NUP93: variants seen among roughly 807,000 people sequenced by gnomAD.
NUP93 encodes the protein nuclear pore complex protein Nup93.
In NUP93, 55 loss-of-function variants were observed where a neutral mutation model predicts 107.8. The ratio of observed to expected loss-of-function variants is 0.51; its 90% CI spans 0.41 to 0.64. The LOEUF (loss-of-function observed/expected upper bound fraction) is 0.64. Among genes scored for constraint, NUP93 ranks in the 30% least tolerant of loss-of-function variants. The pLI is 0.00. For missense variants in NUP93, 937 were observed against 1,044.7 expected (o/e 0.90, Z 1.42); for synonymous variants, 390 against 397.5 (o/e 0.98, Z 0.22).
chr16:56,842,813 A>T (rs1255973169), intron 21 of NUP93: 2 of 330,472 alleles, frequency 6.1e-6, no homozygotes, highest in Non-Finnish European at 1.2e-5. Flanking sequence ...TCGGCCTCCC[A>T]AAGTGCTAGG....
chr16:56,751,659 AGAT>A (rs1396222148), intron 2 of NUP93, among the ~76,000 whole-genome samples: 2 of 152,210 alleles, frequency 1.3e-5, no homozygotes, highest in Non-Finnish European at 2.9e-5. Flanking sequence ...AGGCTTAGAA[AGAT>A]TATGTATCCA....
At chr16:56,788,208 C>G (rs1192980418) in intron 3 of NUP93, among the ~76,000 whole-genome samples, 1 of 152,158 alleles carries the variant, frequency 6.6e-6, no homozygotes, top group Non-Finnish European at 1.5e-5. Flanking sequence ...CTTCCCCTAC[C>G]CTCCCAGGAG....
intron 8 of NUP93, among the ~76,000 whole-genome samples, chr16:56,827,208 A>G (rs1209209365): frequency 6.6e-6 from 1 of 152,314 alleles, no homozygotes; most frequent in East Asian, 1.9e-4. Flanking sequence ...TTAGAAAGTT[A>G]TTACATTAAC....
chr16:56,826,841 A>T (rs1963672265), intron 8 of NUP93, among the ~76,000 whole-genome samples: 1 of 151,418 alleles, frequency 6.6e-6, no homozygotes, highest in African/African-American at 2.4e-5. Context: ...AGGTCAAGAG[A>T]TTGAGACCAT....
At chr16:56,739,534 C>A (rs1246620470) in intron 1 of NUP93, among the ~76,000 whole-genome samples, 2 of 111,196 alleles carry the variant, frequency 1.8e-5, no homozygotes, top group African/African-American at 3.5e-5. Context: ...CTGACCCCCC[C>A]CCACCTCCCT....
At chr16:56,785,111 T>C (rs1427524820) in intron 3 of NUP93, among the ~76,000 whole-genome samples, 1 of 152,228 alleles carries the variant, frequency 6.6e-6, no homozygotes, top group African/African-American at 2.4e-5. Flanking sequence ...CCCTTGGTTT[T>C]TATGAGGCTT....
rs1964122006 is a variant in NUP93, at chr16:56,846,738, C to T, written c.*2129C>T. On this transcript the variant is annotated 3_prime_UTR_variant, in exon 22 of 22. Coordinates refer to ENST00000308159, the MANE Select transcript of NUP93 (RefSeq NM_014669.5). ...AATAAAAATAAGAGTACTCTGTGGA[C>T]TTTTCATAAAGTGCAACTTAGTGCT... The T allele has an allele frequency of 1.3e-5, 2 of 152,138 alleles. No individual in the cohort carries two copies. Among genetic ancestry groups the T allele is most frequent in the African/African-American group, 4.8e-5 (2 of 41,432 alleles). The allele number at this position is 152,138 out of a possible 1,614,324, so 9.4% of individuals were successfully genotyped here. A position where few individuals can be genotyped will look rare whatever the true frequency, so the allele number is the denominator to read the frequency against.
intron 8 of NUP93, among the ~76,000 whole-genome samples, chr16:56,826,822 C>T (rs1396131959): frequency 2.6e-5 from 4 of 151,480 alleles, no homozygotes; most frequent in African/African-American, 7.3e-5. Flanking sequence ...CCGAGGCGGG[C>T]AGATCACGAG....
intron 1 of NUP93, among the ~76,000 whole-genome samples, chr16:56,741,102 G>A (rs1961732794): frequency 6.6e-6 from 1 of 152,122 alleles, no homozygotes; most frequent in African/African-American, 2.4e-5. Flanking sequence ...AGCATATTTG[G>A]TAGTGGGCAA....
chr16:56,756,978 C>T (rs1241801294), intron 2 of NUP93, among the ~76,000 whole-genome samples: 3 of 151,970 alleles, frequency 2.0e-5, no homozygotes, highest in African/African-American at 7.3e-5. Context: ...AGAGAGTTAA[C>T]TTTTTAGGAT....
intron 5 of NUP93, among the ~76,000 whole-genome samples, chr16:56,815,911 C>CTGCTGG (rs1245613309): frequency 2.7e-5 from 4 of 150,416 alleles, no homozygotes; most frequent in African/African-American, 7.4e-5. Flanking sequence ...GCTGCTGCTG[C>CTGCTGG]TGCTGGTGCT....
chr16:56,781,996 C>T (rs1274989016), intron 3 of NUP93: 1 of 985,318 alleles, frequency 1.0e-6, no homozygotes, highest in African/African-American at 1.7e-5. Flanking sequence ...GTCACATCAG[C>T]ACTTGCAGAG....
At chr16:56,771,738 C>T (rs1962326273) in intron 3 of NUP93, among the ~76,000 whole-genome samples, 7 of 152,132 alleles carry the variant, frequency 4.6e-5, no homozygotes. Flanking sequence ...AAAAGTGATA[C>T]TGATGTTTGT....
At chr16:56,740,069 G>A (rs1461289437) in intron 1 of NUP93, among the ~76,000 whole-genome samples, 3 of 112,998 alleles carry the variant, frequency 2.7e-5, no homozygotes, top group African/African-American at 7.3e-5. Context: ...CTGGCCGGGC[G>A]GAGGGCTCAC....
intron 1 of NUP93, among the ~76,000 whole-genome samples, chr16:56,740,134 C>A (rs1462244792): frequency 3.8e-5 from 5 of 130,586 alleles, no homozygotes; most frequent in Admixed American, 3.0e-4. Context: ...CTGACCCCCC[C>A]ACCTCCCTCC....
chr16:56,733,876 A>G (rs1961571808), intron 1 of NUP93, among the ~76,000 whole-genome samples: 1 of 152,234 alleles, frequency 6.6e-6, no homozygotes, highest in Non-Finnish European at 1.5e-5. Flanking sequence ...TCAAACAGCT[A>G]GATCCCCCAT....
chr16:56,745,192 G>C (rs1227533311), intron 1 of NUP93, among the ~76,000 whole-genome samples: 2 of 152,194 alleles, frequency 1.3e-5, no homozygotes, highest in African/African-American at 4.8e-5. Context: ...TCAGCCTTGA[G>C]TGTTTCTGGG....
chr16:56,803,420 G>A (rs895961039), intron 4 of NUP93, among the ~76,000 whole-genome samples: 2 of 152,006 alleles, frequency 1.3e-5, no homozygotes, highest in East Asian at 1.9e-4. Flanking sequence ...AGCTGAGATC[G>A]TTCTGCTGCA....
chr16:56,841,677 T>C, intron 20 of NUP93, 28 bp from the exon 21 acceptor site: 1 of 1,611,530 alleles, frequency 6.2e-7, no homozygotes, highest in Non-Finnish European at 8.5e-7. Context: ...TGGTTCTTTT[T>C]CTTTACTCTG....
Sources: allele counts gnomAD v4.1 joint callset (sites outside exome capture counted in the v4.1 genomes callset), GRCh38; gene constraint gnomAD v4.1.1; transcripts MANE v1.5; gene names NCBI Gene and HGNC (gene_info 2026-07-23, HGNC 2026-07-21).